The following IRAK2 variants were observed in gnomAD, a reference collection of about 807,000 sequenced individuals.
IRAK2 encodes the protein interleukin 1 receptor associated kinase 2.
Under a neutral mutation model 72.0 loss-of-function variants are expected in IRAK2, and 57 were observed. The observed-to-expected ratio is 0.79, with a 90% confidence interval of 0.64 to 0.99. IRAK2 has a LOEUF of 0.99. Among genes scored for constraint, IRAK2 ranks in the 50% least tolerant of loss-of-function variants. The pLI, the probability that IRAK2 is intolerant of heterozygous loss-of-function variation, is 0.00. For missense variants in IRAK2, 790 were observed against 794.4 expected (o/e 0.99, Z 0.07); for synonymous variants, 293 against 312.7 (o/e 0.94, Z 0.67).
intron 11 of IRAK2, among the ~76,000 whole-genome samples, chr3:10,238,236 T>A (rs1001146252): frequency 1.3e-5 from 2 of 152,124 alleles, no homozygotes. Context: ...TCAGGGAAGT[T>A]AGACCCAGGA....
chr3:10,203,143 C>T (rs994783406), intron 3 of IRAK2, among the ~76,000 whole-genome samples: 21 of 151,896 alleles, frequency 1.4e-4, no homozygotes, highest in African/African-American at 5.1e-4. Flanking sequence ...ACTATAGGCA[C>T]GCACCACCAC....
intron 10 of IRAK2, among the ~76,000 whole-genome samples, chr3:10,231,923 G>A (rs1397213642): frequency 2.0e-5 from 3 of 152,042 alleles, no homozygotes. Flanking sequence ...TCAGGAGATC[G>A]AGACCATCCT....
chr3:10,227,796 G>A (rs962962895), intron 10 of IRAK2, among the ~76,000 whole-genome samples: 1 of 151,738 alleles, frequency 6.6e-6, no homozygotes, highest in African/African-American at 2.4e-5. Context: ...AGCCTCCCGA[G>A]CAGCTGGGAC....
At chr3:10,191,020 C>T (rs536457686) in intron 2 of IRAK2, among the ~76,000 whole-genome samples, 2 of 152,176 alleles carry the variant, frequency 1.3e-5, no homozygotes, top group East Asian at 1.9e-4. Context: ...CTAGGCCGGG[C>T]GCGGTGGCTC....
chr3:10,168,431 A>G (rs1456075311), intron 1 of IRAK2, among the ~76,000 whole-genome samples: 1 of 151,252 alleles, frequency 6.6e-6, no homozygotes, highest in African/African-American at 2.4e-5. Context: ...GGCTGGTCTC[A>G]AACTCCTAAC....
At chr3:10,201,206 G>A (rs1180181306) in intron 3 of IRAK2, among the ~76,000 whole-genome samples, 2 of 152,220 alleles carry the variant, frequency 1.3e-5, no homozygotes, top group African/African-American at 2.4e-5. Context: ...ATTAGGTATT[G>A]TGATTATGCC....
chr3:10,234,837 C>T (rs537203656), intron 11 of IRAK2, among the ~76,000 whole-genome samples, 178 bp downstream of exon 11: 1 of 152,278 alleles, frequency 6.6e-6, no homozygotes, highest in South Asian at 2.1e-4. Context: ...GTGCGGAGCC[C>T]GAGGACGGGT....
chr3:10,193,642 C>T (rs1272284862), intron 2 of IRAK2, among the ~76,000 whole-genome samples: 1 of 152,142 alleles, frequency 6.6e-6, no homozygotes, highest in African/African-American at 2.4e-5. Context: ...AACAAAAAAT[C>T]CAGACTCTGT....
In IRAK2 at chr3:10,238,864, C is replaced by A; in HGVS notation, c.1590C>A (p.Asp530Glu). ...CTTCCAACACCCCAGAGGAAACAGA[C>A]GACGTTGACAATTCCAGCCTTGATG... The part of the protein sequence containing the change: ...GSSSNTPEET[D>E]DVDNSSLDAS... Residue 530 changes from aspartate to glutamate, a missense_variant, in exon 12 of 13, where the codon GAC (aspartate) becomes GAA (glutamate). By Grantham distance (45) the Asp-to-Glu change is conservative (BLOSUM62 2). Transcript: ENST00000256458. 6.2e-7 allele frequency: 1 copy of A among 1,614,098 alleles called. No homozygotes were observed. The highest frequency in any genetic ancestry group is 8.5e-7 in the Non-Finnish European group (1 of 1,180,028).
chr3:10,196,457 G>A (rs1183881017), intron 2 of IRAK2, among the ~76,000 whole-genome samples: 1 of 152,230 alleles, frequency 6.6e-6, no homozygotes, highest in African/African-American at 2.4e-5. Context: ...GAAGGCAGTG[G>A]GATGCCATGA....
At chr3:10,178,115 TC>T in intron 2 of IRAK2, 95 bp downstream of exon 2, 1 of 1,042,588 alleles carries the variant, frequency 9.6e-7, no homozygotes, top group Non-Finnish European at 1.4e-6. Flanking sequence ...AATACTTTTT[TC>T]CTCTTTTAAT....
intron 1 of IRAK2, among the ~76,000 whole-genome samples, chr3:10,175,996 G>C (rs1696868498): frequency 6.6e-6 from 1 of 150,916 alleles, no homozygotes; most frequent in Non-Finnish European, 1.5e-5. Flanking sequence ...TTTTTGGAAA[G>C]GGGAAGTACC....
intron 7 of IRAK2, among the ~76,000 whole-genome samples, chr3:10,219,349 C>T (rs536142010): frequency 1.3e-5 from 2 of 150,656 alleles, no homozygotes; most frequent in Admixed American, 6.6e-5. Context: ...GATGGAGTCT[C>T]GCTCTGTCAC....
chr3:10,224,051 G>C (rs1697733615), intron 9 of IRAK2, among the ~76,000 whole-genome samples: 1 of 152,146 alleles, frequency 6.6e-6, no homozygotes, highest in African/African-American at 2.4e-5. Flanking sequence ...GAACCAGGGG[G>C]ATGGGCAGGG....
At chr3:10,183,979 C>G (rs1005117398) in intron 2 of IRAK2, among the ~76,000 whole-genome samples, 4 of 152,164 alleles carry the variant, frequency 2.6e-5, no homozygotes, top group Non-Finnish European at 4.4e-5. Context: ...CTGCCCCGGG[C>G]TCAAGTGGCA....
chr3:10,216,001 T>G (rs142726135), intron 6 of IRAK2, among the ~76,000 whole-genome samples: 1 of 152,192 alleles, frequency 6.6e-6, no homozygotes, highest in African/African-American at 2.4e-5. Flanking sequence ...TAAATAACTC[T>G]AATAAGTATG....
chr3:10,225,853 C>T (rs921114158), intron 9 of IRAK2, among the ~76,000 whole-genome samples: 5 of 152,054 alleles, frequency 3.3e-5, no homozygotes, highest in South Asian at 2.1e-4. Flanking sequence ...CACCCGCCAC[C>T]GCGCCTGGCT....
At chr3:10,193,171 A>C (rs1228150561) in intron 2 of IRAK2, among the ~76,000 whole-genome samples, 1 of 152,278 alleles carries the variant, frequency 6.6e-6, no homozygotes, top group African/African-American at 2.4e-5. Context: ...AAAAGAAATC[A>C]TGCCTGGCAA....
chr3:10,178,841 T>G (rs1160705514), intron 2 of IRAK2, among the ~76,000 whole-genome samples: 1 of 152,204 alleles, frequency 6.6e-6, no homozygotes, highest in African/African-American at 2.4e-5. Flanking sequence ...CGTGCTCTGC[T>G]GCCCAGGCTG....
Sources: allele counts gnomAD v4.1 joint callset (sites outside exome capture counted in the v4.1 genomes callset), GRCh38; gene constraint gnomAD v4.1.1; transcripts MANE v1.5; gene names NCBI Gene and HGNC (gene_info 2026-07-23, HGNC 2026-07-21).